PASD1: variants seen among roughly 807,000 people sequenced by gnomAD.
The protein encoded by PASD1 is PAS domain containing repressor 1.
PASD1 carries 13 observed loss-of-function variants against 58.8 expected under a neutral mutation model. The ratio of observed to expected loss-of-function variants is 0.22; its 90% CI spans 0.14 to 0.35. The LOEUF (loss-of-function observed/expected upper bound fraction) is 0.35, where lower values mean the gene tolerates loss of function less well. Among genes scored for constraint, PASD1 ranks in the 10% least tolerant of loss-of-function variants. The pLI, the probability that PASD1 is intolerant of heterozygous loss-of-function variation, is 1.00. For missense variants in PASD1, 734 were observed against 568.3 expected, an observed-to-expected ratio of 1.29 and a Z score of -2.96; for synonymous variants, 236 against 216.7, an observed-to-expected ratio of 1.09 and a Z score of -0.78.
intron 1 of PASD1, among the ~76,000 whole-genome samples, chrX:151,570,872 C>T (rs1053289370): frequency 1.6e-4 from 18 of 112,261 alleles, no homozygotes; most frequent in African/African-American, 5.8e-4. Flanking sequence ...CTGAATAAAG[C>T]GGCCCACCAC....
chrX:151,568,213 T>G (rs2012875791), intron 1 of PASD1, among the ~76,000 whole-genome samples: 1 of 112,155 alleles, frequency 8.9e-6, no homozygotes, highest in Admixed American at 9.5e-5. Context: ...TTCTTGTTAT[T>G]TGATATGTAT....
chrX:151,625,437 T>A lies in PASD1; in HGVS notation c.547-11T>A. On this transcript the variant is annotated splice_polypyrimidine_tract_variant and intron_variant, in intron 7 of 15. Transcript: ENST00000370357. ...CATATTAAATGTCTAAATATTTGAA[T>A]TTTTCTGCAGCAACTTTACACTTCA... is the stretch of plus-strand genomic sequence containing the variant. 2 of 1,194,315 alleles carry A rather than the reference T, an allele frequency of 1.7e-6. No individual in the cohort carries two copies. Among genetic ancestry groups the A allele is most frequent in the Non-Finnish European group, 2.3e-6 (2 of 883,761 alleles).
At chrX:151,625,415 A>T (rs1170309510) in intron 7 of PASD1, 33 bp from the exon 8 acceptor site, 5 of 1,098,877 alleles carry the variant, frequency 4.6e-6, no homozygotes, top group Non-Finnish European at 6.3e-6. Flanking sequence ...TTATATACAT[A>T]TTAAATGTCT....
intron 15 of PASD1, among the ~76,000 whole-genome samples, chrX:151,674,430 C>T (rs979079136): frequency 3.5e-5 from 4 of 112,710 alleles, no homozygotes; most frequent in Non-Finnish European, 7.5e-5. Context: ...ACTGAAACTT[C>T]TCTCAAAACT....
intron 14 of PASD1, chrX:151,673,315 T>C (rs1166694937): frequency 1.7e-5 from 2 of 116,952 alleles, no homozygotes; most frequent in African/African-American, 6.5e-5. Context: ...GCCCACTAAA[T>C]AGTTTTGAAT....
At chrX:151,627,455 G>T (rs1021433830) in intron 8 of PASD1, among the ~76,000 whole-genome samples, 1 of 109,943 alleles carries the variant, frequency 9.1e-6, no homozygotes, top group Non-Finnish European at 1.9e-5. Flanking sequence ...GACATGCAGT[G>T]TTTGGTTTTT....
chrX:151,657,756 CTTT>C (rs1053713657), intron 9 of PASD1, among the ~76,000 whole-genome samples: 1 of 109,749 alleles, frequency 9.1e-6, no homozygotes, highest in African/African-American at 3.3e-5. Context: ...CTCTTTTCTT[CTTT>C]ATTAGTCTTG....
At chrX:151,663,512 AT>A (rs1481974133) in intron 10 of PASD1, among the ~76,000 whole-genome samples, 1 of 112,533 alleles carries the variant, frequency 8.9e-6, no homozygotes, top group Non-Finnish European at 1.9e-5. Context: ...TACATTAAAC[AT>A]TTGCGTAGAA....
At position 151,591,704 on chromosome X, in the gene PASD1, G is replaced by T. The variant is rs1255137795; in HGVS notation, c.-27-9823G>T. On this transcript the variant is annotated intron_variant, in intron 1 of 15. Transcript: ENST00000370357. The stretch of plus-strand genomic sequence containing the variant: ...GTGCAAAGTCCATTAGCAGTTAGGT[G>T]TTTGAGCCTACCTTGCCCAGTAGGT... 1.2e-4 allele frequency among the ~76,000 whole-genome samples: 13 copies of T among 111,454 alleles called. No individual in the cohort carries two copies. In the Admixed American group the frequency reaches 1.2e-3, roughly 11 times the overall value.
At chrX:151,657,490 G>A (rs1482933858) in intron 9 of PASD1, among the ~76,000 whole-genome samples, 3 of 111,109 alleles carry the variant, frequency 2.7e-5, no homozygotes, top group Middle Eastern at 4.2e-3. Context: ...GTCTGGTCCC[G>A]GAGTTTGTTT....
chrX:151,570,950 G>C (rs1014336938), intron 1 of PASD1, among the ~76,000 whole-genome samples: 1 of 111,799 alleles, frequency 8.9e-6, no homozygotes, highest in South Asian at 3.8e-4. Flanking sequence ...TTTAAATGCT[G>C]TACAGCCTCA....
intron 1 of PASD1, among the ~76,000 whole-genome samples, chrX:151,579,412 A>G (rs1384666174): frequency 8.9e-6 from 1 of 112,005 alleles, no homozygotes; most frequent in East Asian, 2.8e-4. Flanking sequence ...ATGAGTAATA[A>G]TAGAAGTTTT....
In PASD1 at chrX:151,604,743, G is replaced by C; in HGVS notation, c.117+9G>C. On this transcript the variant is annotated intron_variant, in intron 3 of 15. Transcript: ENST00000370357. ...ACCAAGTGACGCTACAGGTAAGAGG[G>C]CTTTTGTTCTTTGATTACTTCATAT... 1 of 1,165,085 alleles carries C rather than the reference G, an allele frequency of 8.6e-7. No homozygotes were observed. Among genetic ancestry groups the C allele is most frequent in the Non-Finnish European group, 1.2e-6 (1 of 855,485 alleles).
At chrX:151,662,230 C>T (rs113331004) in intron 10 of PASD1, among the ~76,000 whole-genome samples, 6,322 of 110,679 alleles carry the variant, frequency 0.057, 466 homozygotes, top group African/African-American at 0.2. Flanking sequence ...TTCGTACATT[C>T]ATTTACATCA....
intron 11 of PASD1, 85 bp from the exon 12 acceptor site, chrX:151,670,953 C>G: frequency 9.8e-7 from 1 of 1,023,581 alleles, no homozygotes; most frequent in South Asian, 2.7e-5. Context: ...CTCAGTCTTT[C>G]AGAAATTTTG....
intron 8 of PASD1, among the ~76,000 whole-genome samples, chrX:151,628,261 T>C: frequency 8.9e-6 from 1 of 112,064 alleles, no homozygotes; most frequent in Non-Finnish European, 1.9e-5. Flanking sequence ...TTTGGTGTTT[T>C]AGACATGAAG....
chrX:151,581,289 T>A (rs1317708809), intron 1 of PASD1, among the ~76,000 whole-genome samples: 3 of 86,606 alleles, frequency 3.5e-5, no homozygotes, highest in Non-Finnish European at 7.0e-5. Context: ...GTCATGAAAA[T>A]TTATTTAAAA....
chrX:151,672,837 C>A, intron 14 of PASD1, 176 bp downstream of exon 14: 1 of 756,976 alleles, frequency 1.3e-6, no homozygotes, highest in Non-Finnish European at 1.9e-6. Flanking sequence ...CATCCTTCTG[C>A]ATGTGTGGTG....
chrX:151,585,147 A>G (rs1396259982), intron 1 of PASD1, among the ~76,000 whole-genome samples: 2 of 111,735 alleles, frequency 1.8e-5, no homozygotes, highest in Non-Finnish European at 3.8e-5. Flanking sequence ...GGGGTAATCC[A>G]GGAAGACTTC....
Sources: allele counts gnomAD v4.1 joint callset (sites outside exome capture counted in the v4.1 genomes callset), GRCh38; gene constraint gnomAD v4.1.1; transcripts MANE v1.5; gene names NCBI Gene and HGNC (gene_info 2026-07-23, HGNC 2026-07-21).